Variants in AJAP1 observed in about 807,000 individuals in gnomAD.
AJAP1 encodes the protein adherens junctions associated protein 1, also known as adherens junction-associated protein 1.
In AJAP1, 5 loss-of-function variants were observed where a neutral mutation model predicts 35.0. The observed-to-expected ratio is 0.14, with a 90% CI of 0.07 to 0.30. The LOEUF (loss-of-function observed/expected upper bound fraction) is 0.30. AJAP1 is among the 10% of genes least tolerant of loss of function. AJAP1 has a pLI of 1.00. For synonymous variants in AJAP1, 284 were observed against 249.3 expected (o/e 1.14, Z -1.31); for missense variants, 586 against 571.0 (o/e 1.03, Z -0.27).
At chr1:4,706,447 C>G (rs970815872) in intron 1 of AJAP1, among the ~76,000 whole-genome samples, 7 of 152,210 alleles carry the variant, frequency 4.6e-5, no homozygotes, top group African/African-American at 1.7e-4. Context: ...TCAAATGCAG[C>G]ATCCTTCTCC....
intron 2 of AJAP1, among the ~76,000 whole-genome samples, chr1:4,758,587 A>G (rs1641491793): frequency 1.3e-5 from 2 of 152,036 alleles, no homozygotes; most frequent in Non-Finnish European, 2.9e-5. Context: ...GGGGGAAACC[A>G]CCCCAACCCC....
chr1:4,777,595 T>G lies in AJAP1; in HGVS notation c.*59+3037T>G, dbSNP rs1276174046. 3 of 152,232 alleles carry G rather than the reference T, an allele frequency of 2.0e-5. No homozygotes were observed. The South Asian group carries it at 6.2e-4, about 32-fold the overall frequency. The allele number at this position is 152,232 out of a possible 1,614,324, so 9.4% of individuals were successfully genotyped here. The stretch of plus-strand genomic sequence containing the variant: ...GGCCTGCATTGGCTCTCGGACTAAT[T>G]CGCGATCATCTTTCATACAGCAGGT... On this transcript the variant is annotated intron_variant, in intron 5 of 5. Transcript: ENST00000378191.
At chr1:4,721,828 C>T (rs1640522378) in intron 2 of AJAP1, among the ~76,000 whole-genome samples, 1 of 152,178 alleles carries the variant, frequency 6.6e-6, no homozygotes, top group Admixed American at 6.5e-5. Flanking sequence ...GCAGAGAAAA[C>T]ATAATCTGTG....
At chr1:4,758,431 A>T (rs770994250) in intron 2 of AJAP1, among the ~76,000 whole-genome samples, 1 of 152,184 alleles carries the variant, frequency 6.6e-6, no homozygotes, top group Non-Finnish European at 1.5e-5. Flanking sequence ...GGCCTCAGGA[A>T]ACTTACAATC....
intron 1 of AJAP1, among the ~76,000 whole-genome samples, chr1:4,708,798 A>G (rs1199000503): frequency 6.6e-6 from 1 of 151,742 alleles, no homozygotes; most frequent in Non-Finnish European, 1.5e-5. Flanking sequence ...ACGTCTTCCT[A>G]TGGGAGGGGC....
At chr1:4,752,894 A>G (rs1641350034) in intron 2 of AJAP1, among the ~76,000 whole-genome samples, 1 of 152,164 alleles carries the variant, frequency 6.6e-6, no homozygotes, top group Admixed American at 6.5e-5. Flanking sequence ...GCCCCCAAAG[A>G]CACAACCTGT....
intron 1 of AJAP1, among the ~76,000 whole-genome samples, chr1:4,709,958 C>T (rs954898737): frequency 1.3e-5 from 2 of 152,164 alleles, no homozygotes; most frequent in African/African-American, 4.8e-5. Flanking sequence ...AGAGTCAGCA[C>T]CAGACACAAG....
rs775986901 is a variant in AJAP1 at position 4,711,887 on chromosome 1, C to T, written c.30-13C>T. 123 of 1,446,430 alleles carry T rather than the reference C, an allele frequency of 8.5e-5. No homozygotes were observed. The East Asian group carries it at 1.8e-3, about 21-fold the overall frequency. The allele number at this position is 1,446,430 out of a possible 1,614,324, so 89.6% of individuals were successfully genotyped here. The stretch of plus-strand genomic sequence containing the variant: ...TCCACTGACCGCTCTTCTCTCCTTT[C>T]CCCCCCGCACAGCTCCATGTCCATC... On this transcript the variant is annotated splice_polypyrimidine_tract_variant and intron_variant, in intron 1 of 5. Coordinates refer to ENST00000378191, the MANE Select transcript of AJAP1 (RefSeq NM_018836.4).
At chr1:4,707,497 C>T (rs971438106) in intron 1 of AJAP1, among the ~76,000 whole-genome samples, 3 of 152,134 alleles carry the variant, frequency 2.0e-5, no homozygotes, top group East Asian at 1.9e-4. Flanking sequence ...TTCCTATAAA[C>T]GGAACCGGGC....
chr1:4,692,281 C>T lies in AJAP1; in HGVS notation c.30-19619C>T, dbSNP rs567996228. 1.0e-3 allele frequency among the ~76,000 whole-genome samples: 158 copies of T among 152,286 alleles called. No homozygotes were observed. The highest frequency in any genetic ancestry group is 1.7e-3 in the Non-Finnish European group (114 of 68,018). On this transcript the variant is annotated intron_variant, in intron 1 of 5. Transcript: ENST00000378191. The surrounding 1 kb of genome is among the most constrained non-coding windows in gnomAD (Gnocchi z 4.4). ...CCAGGACAGGGTTGTCAGGGCTTCTCGGGCTCCTCACCCCGCGCCCTGGGC... is the reference window on the plus strand; with the variant it reads ...CCAGGACAGGGTTGTCAGGGCTTCTTGGGCTCCTCACCCCGCGCCCTGGGC...
At chr1:4,765,474 AGAGAGACATGAGTGAAGAAG>A (rs3834053) in intron 2 of AJAP1, among the ~76,000 whole-genome samples, 4 of 148,500 alleles carry the variant, frequency 2.7e-5, no homozygotes, top group African/African-American at 5.0e-5. Flanking sequence ...GAGAGTATTG[AGAGAGACATGAGTGAAGAAG>A]GAGAGACATG....
intron 2 of AJAP1, among the ~76,000 whole-genome samples, chr1:4,752,412 G>T (rs1343091068): frequency 1.3e-5 from 2 of 152,164 alleles, no homozygotes; most frequent in Non-Finnish European, 2.9e-5. Flanking sequence ...GATAATGGCA[G>T]TGCCCAGAGC....
chr1:4,663,547 C>G (rs61765002), intron 1 of AJAP1, among the ~76,000 whole-genome samples: 7 of 152,160 alleles, frequency 4.6e-5, no homozygotes, highest in African/African-American at 1.7e-4. Context: ...ACCCATGGCG[C>G]CCAGGCACCT....
At chr1:4,724,415 T>C (rs1214856009) in intron 2 of AJAP1, among the ~76,000 whole-genome samples, 2 of 152,020 alleles carry the variant, frequency 1.3e-5, no homozygotes, top group African/African-American at 4.8e-5. Context: ...CACCCTGCAT[T>C]CCCACCCCTC....
intron 1 of AJAP1, among the ~76,000 whole-genome samples, chr1:4,661,142 T>G (rs973908852): frequency 1.3e-5 from 2 of 152,210 alleles, no homozygotes; most frequent in Admixed American, 1.3e-4. Context: ...GCTGGGGTGC[T>G]CTATGAGGAC....
chr1:4,674,165 C>G (rs1451572798), intron 1 of AJAP1, among the ~76,000 whole-genome samples: 2 of 151,858 alleles, frequency 1.3e-5, no homozygotes, highest in East Asian at 3.9e-4. Flanking sequence ...GCAAATCGGC[C>G]AAGAAGGCAG....
chr1:4,691,854 G>T (rs546754564), intron 1 of AJAP1, among the ~76,000 whole-genome samples: 1 of 152,288 alleles, frequency 6.6e-6, no homozygotes, highest in African/African-American at 2.4e-5. Flanking sequence ...CTGGCAGGGA[G>T]CCCTGCCTCT....
intron 1 of AJAP1, among the ~76,000 whole-genome samples, chr1:4,684,802 C>A (rs1404431015): frequency 6.6e-6 from 1 of 152,124 alleles, no homozygotes; most frequent in Non-Finnish European, 1.5e-5. Context: ...CCGTTGATTC[C>A]ATTCAACTTG....
intron 1 of AJAP1, among the ~76,000 whole-genome samples, chr1:4,706,134 T>C (rs1039100797): frequency 6.6e-6 from 1 of 152,168 alleles, no homozygotes; most frequent in Non-Finnish European, 1.5e-5. Context: ...GGGTAGACCC[T>C]GGGTCCTCGG....
Sources: allele counts gnomAD v4.1 joint callset (sites outside exome capture counted in the v4.1 genomes callset), GRCh38; gene constraint gnomAD v4.1.1; non-coding constraint Gnocchi (gnomAD v3.1); transcripts MANE v1.5; gene names NCBI Gene and HGNC (gene_info 2026-07-23, HGNC 2026-07-21).